Variants in DPP6 observed in about 807,000 individuals in gnomAD.
The protein encoded by DPP6 is dipeptidyl peptidase like 6.
A neutral mutation model predicts 122.6 loss-of-function variants in DPP6; 69 were observed. The ratio of observed to expected loss-of-function variants is 0.56; its 90% CI spans 0.46 to 0.69. DPP6 has a LOEUF of 0.69. Among genes scored for constraint, DPP6 ranks in the 30% least tolerant of loss-of-function variants. DPP6 has a pLI of 0.00. For synonymous variants in DPP6, 418 were observed against 433.1 expected (o/e 0.97, Z 0.43); for missense variants, 928 against 1,116.9 (o/e 0.83, Z 2.41).
intron 8 of DPP6, among the ~76,000 whole-genome samples, chr7:154,745,599 G>A (rs1459899320): frequency 6.6e-6 from 1 of 152,172 alleles, no homozygotes; most frequent in Non-Finnish European, 1.5e-5. Context: ...TTTGCCTCAG[G>A]GTTCTATAGC....
At chr7:153,921,642 C>A (rs1469324563) in intron 1 of DPP6, among the ~76,000 whole-genome samples, 1 of 152,196 alleles carries the variant, frequency 6.6e-6, no homozygotes. Flanking sequence ...TGACTGTTTT[C>A]ATCTCCAGCA....
chr7:153,995,230 C>T (rs1443864349), intron 1 of DPP6, among the ~76,000 whole-genome samples: 1 of 152,136 alleles, frequency 6.6e-6, no homozygotes, highest in Non-Finnish European at 1.5e-5. Context: ...AACAAAGCAG[C>T]CATTCACTAG....
At chr7:154,610,137 C>T (rs985040712) in intron 5 of DPP6, among the ~76,000 whole-genome samples, 1 of 152,070 alleles carries the variant, frequency 6.6e-6, no homozygotes, top group Non-Finnish European at 1.5e-5. Flanking sequence ...AAGAATATCC[C>T]TCGCCTTACC....
At chr7:153,954,084 T>G (rs1309214647) in intron 1 of DPP6, among the ~76,000 whole-genome samples, 1 of 152,218 alleles carries the variant, frequency 6.6e-6, no homozygotes, top group Non-Finnish European at 1.5e-5. Flanking sequence ...CTCCATCGCT[T>G]CTATAAAATG....
chr7:153,872,676 TATC>T, the DPP6 span, among the ~76,000 whole-genome samples: 3 of 152,310 alleles, frequency 2.0e-5, no homozygotes, highest in Non-Finnish European at 4.4e-5. Flanking sequence ...CTATCATTAT[TATC>T]ATTATCATCT....
At chr7:154,783,724 C>T (rs1370444911) in intron 10 of DPP6, among the ~76,000 whole-genome samples, 2 of 152,218 alleles carry the variant, frequency 1.3e-5, no homozygotes, top group African/African-American at 4.8e-5. Flanking sequence ...TGACAGGCAT[C>T]TGCAGGTCCC....
At chr7:154,171,625 C>T (rs953107181) in intron 1 of DPP6, among the ~76,000 whole-genome samples, 1 of 152,110 alleles carries the variant, frequency 6.6e-6, no homozygotes, top group African/African-American at 2.4e-5. Context: ...CACCTGCAGC[C>T]CAGGCCTTAG....
intron 1 of DPP6, among the ~76,000 whole-genome samples, chr7:154,265,045 A>G (rs62650443): frequency 7.3e-3 from 5 of 682 alleles, no homozygotes; most frequent in East Asian, 0.056. Context: ...TGATGGTGAT[A>G]ATGATGGTGA....
intron 6 of DPP6, among the ~76,000 whole-genome samples, chr7:154,641,503 C>T (rs996893118): frequency 3.9e-5 from 6 of 152,142 alleles, no homozygotes; most frequent in African/African-American, 1.4e-4. Context: ...TTGGCTACTG[C>T]ATGACATTTT....
At chr7:153,823,567 G>A in the DPP6 span, among the ~76,000 whole-genome samples, 2,757 of 146,350 alleles carry the variant, frequency 0.019, 164 homozygotes, top group Non-Finnish European at 0.027. Flanking sequence ...CGGCAGCCGC[G>A]CATTTAATTT....
intron 1 of DPP6, among the ~76,000 whole-genome samples, chr7:153,954,145 C>T (rs1282224861): frequency 1.3e-5 from 2 of 152,216 alleles, no homozygotes; most frequent in African/African-American, 4.8e-5. Context: ...TGGGCACCAT[C>T]GCCCAGCCAA....
chr7:153,789,485 C>T, the DPP6 span, among the ~76,000 whole-genome samples: 1 of 152,084 alleles, frequency 6.6e-6, no homozygotes, highest in African/African-American at 2.4e-5. Context: ...TTTTTATCTA[C>T]CTATGGCAAA....
chr7:154,726,742 C>G (rs1402009880), intron 7 of DPP6, among the ~76,000 whole-genome samples: 1 of 152,192 alleles, frequency 6.6e-6, no homozygotes, highest in Non-Finnish European at 1.5e-5. Context: ...GTGAGTTTTT[C>G]TCTTCTACCA....
intron 10 of DPP6, among the ~76,000 whole-genome samples, chr7:154,787,702 A>G (rs1563210322): frequency 1.3e-5 from 2 of 152,200 alleles, no homozygotes; most frequent in African/African-American, 2.4e-5. Flanking sequence ...GTGAAGCCCT[A>G]TGTAAGGTGC....
intron 1 of DPP6, among the ~76,000 whole-genome samples, chr7:154,393,245 G>T (rs1814777532): frequency 6.6e-6 from 1 of 152,096 alleles, no homozygotes; most frequent in South Asian, 2.1e-4. Flanking sequence ...CCCAAATGGA[G>T]GACCTCCTTT....
chr7:154,273,792 A>G (rs954862884), intron 1 of DPP6, among the ~76,000 whole-genome samples: 1 of 152,252 alleles, frequency 6.6e-6, no homozygotes, highest in African/African-American at 2.4e-5. Flanking sequence ...AGACTGGCAC[A>G]AGCAAAGAAA....
Position 154,094,166 on chromosome 7 carries a change from G to T in DPP6, c.243+41103G>T, listed in dbSNP as rs1210112706. 3.3e-5 allele frequency: 5 copies of T among 152,194 alleles called. No individual in the cohort carries two copies. In the South Asian group the frequency reaches 1.0e-3, roughly 31 times the overall value. The allele number at this position is 152,194 out of a possible 1,614,324, so 9.4% of individuals were successfully genotyped here. A position where few individuals can be genotyped will look rare whatever the true frequency, so the allele number is the denominator to read the frequency against. ...CTCCTCCTTGAGGAATGGGCCATTT[G>T]CTTCATAATAGATGCGAGATCATCC... On this transcript the variant is annotated intron_variant, in intron 1 of 25. Transcript: ENST00000377770.
chr7:153,873,902 T>C, the DPP6 span, among the ~76,000 whole-genome samples: 1 of 152,208 alleles, frequency 6.6e-6, no homozygotes, highest in African/African-American at 2.4e-5. Flanking sequence ...TGGATTTCTA[T>C]AGACTTGGGG....
chr7:154,283,426 C>G (rs945705955), intron 1 of DPP6, among the ~76,000 whole-genome samples: 1 of 152,136 alleles, frequency 6.6e-6, no homozygotes. Flanking sequence ...GAACACGGTA[C>G]TTGTTAGTAA....
Sources: allele counts gnomAD v4.1 joint callset (sites outside exome capture counted in the v4.1 genomes callset), GRCh38; gene constraint gnomAD v4.1.1; transcripts MANE v1.5; gene names NCBI Gene and HGNC (gene_info 2026-07-23, HGNC 2026-07-21).